Variants in BCLAF3 observed in about 807,000 individuals in gnomAD.
The protein encoded by BCLAF3 is BCLAF1 and THRAP3 family member 3.
A neutral mutation model predicts 51.2 loss-of-function variants in BCLAF3; 24 were observed. The observed-to-expected ratio is 0.47, with a 90% CI of 0.34 to 0.66. BCLAF3 has a LOEUF of 0.66. BCLAF3 is among the 30% of genes least tolerant of loss of function. The probability of loss-of-function intolerance (pLI) is 0.01; values close to 1 mark genes in which losing one functional copy is unlikely to be tolerated. For synonymous variants in BCLAF3, 152 were observed against 176.6 expected (o/e 0.86, Z 1.10); for missense variants, 465 against 525.1 (o/e 0.89, Z 1.12).
intron 8 of BCLAF3, among the ~76,000 whole-genome samples, chrX:19,937,784 A>G (rs2070828646): frequency 8.9e-6 from 1 of 112,198 alleles, no homozygotes; most frequent in South Asian, 3.7e-4. Context: ...CAGGTTCTCA[A>G]TCTGGGGTCT....
At chrX:19,936,706 G>A (rs1034866624) in intron 9 of BCLAF3, among the ~76,000 whole-genome samples, 7 of 111,610 alleles carry the variant, frequency 6.3e-5, no homozygotes, top group Non-Finnish European at 1.1e-4. Context: ...CATCTTTCTC[G>A]CCATTACTTG....
Position 19,965,043 on chromosome X carries a change from C to A in BCLAF3, c.1274+1G>T. 8.8e-7 allele frequency: 1 copy of A among 1,130,936 alleles called. No homozygotes were observed. Among genetic ancestry groups the A allele is most frequent in the Non-Finnish European group, 1.2e-6 (1 of 850,998 alleles). The allele number at this position is 1,130,936 out of a possible 1,213,427, so 93.2% of individuals were successfully genotyped here. A position where few individuals can be genotyped will look rare whatever the true frequency, so the allele number is the denominator to read the frequency against. ...TCATAAAGAAAAAACAAAGATAATA[C>A]CTGAATGTATCTACTGTTTTCTTCA... On this transcript the variant is annotated splice_donor_variant, in intron 4 of 11. Transcript: ENST00000379682. LOFTEE classifies it high-confidence loss of function.
At chrX:19,934,209 C>G in intron 10 of BCLAF3, among the ~76,000 whole-genome samples, 1 of 112,224 alleles carries the variant, frequency 8.9e-6, no homozygotes, top group Middle Eastern at 4.6e-3. Flanking sequence ...TTACATATAT[C>G]TTGAAAACAT....
intron 11 of BCLAF3, among the ~76,000 whole-genome samples, chrX:19,926,898 C>T (rs1267481803): frequency 1.8e-5 from 2 of 111,334 alleles, no homozygotes; most frequent in African/African-American, 3.3e-5. Flanking sequence ...GGGAGATATA[C>T]GAGACGGGAA....
chrX:19,957,730 C>G (rs965027493), intron 4 of BCLAF3, among the ~76,000 whole-genome samples: 1 of 111,275 alleles, frequency 9.0e-6, no homozygotes, highest in Admixed American at 9.6e-5. Flanking sequence ...AAAATTTATC[C>G]TAGAGTTCCT....
chrX:19,933,107 T>C lies in BCLAF3; in HGVS notation c.1950+2702A>G, dbSNP rs1422414984. ...TGTTGCTGGAGCTGCTGTTGCTTTT[T>C]AACAAGAAGACAGTTATGAAGTTGT... On this transcript the variant is annotated intron_variant, in intron 10 of 11. Transcript: ENST00000379682. 3.6e-5 allele frequency among the ~76,000 whole-genome samples: 4 copies of C among 112,132 alleles called. No individual in the cohort carries two copies. The East Asian group carries it at 8.3e-4, about 23-fold the overall frequency.
chrX:19,941,084 T>C (rs2071019679), intron 8 of BCLAF3, among the ~76,000 whole-genome samples: 1 of 110,723 alleles, frequency 9.0e-6, no homozygotes, highest in South Asian at 3.7e-4. Flanking sequence ...GAGAAGTGTC[T>C]ATTCATGTCC....
rs1160902730 is a variant in BCLAF3, at chrX:19,965,413, TTC to T, written c.903_904del (p.Lys302ValfsTer3). 1.7e-6 allele frequency: 2 copies of T among 1,211,900 alleles called. No individual in the cohort carries two copies. The highest frequency in any genetic ancestry group is 3.5e-5 in the African/African-American group (2 of 57,872). Reference sequence around the variant, plus strand: ...TTTTCTATCTTCTTCCTTACAGTACTTCTGAGTTCTCCCATCAGAAAAGTCCT... The same window carrying T: ...TTTTCTATCTTCTTCCTTACAGTACTTGAGTTCTCCCATCAGAAAAGTCCT... On this transcript the variant is annotated frameshift_variant, in exon 4 of 12. Transcript: ENST00000379682. LOFTEE classifies it high-confidence loss of function.
chrX:19,918,534 C>CTTTTTT (rs749600263), intron 11 of BCLAF3, among the ~76,000 whole-genome samples: 2 of 55,179 alleles, frequency 3.6e-5, no homozygotes, highest in Non-Finnish European at 6.1e-5. Flanking sequence ...CCAACCCGGC[C>CTTTTTT]TTTTTTTTTT....
At position 19,935,830 on chromosome X, in the gene BCLAF3, G is replaced by A. The variant is rs1373546564; in HGVS notation, c.1929C>T (p.Asn643=). 1 of 1,207,723 alleles carries A rather than the reference G, an allele frequency of 8.3e-7. No individual in the cohort carries two copies. The highest frequency in any genetic ancestry group is 1.1e-6 in the Non-Finnish European group (1 of 892,192). The change falls in exon 10 of 12, where the codon AAC becomes AAT. Residue 643 remains asparagine (N), a synonymous_variant. Transcript: ENST00000379682. ...KPFEVEGNHR[N]TRVRPFKSNF... ...ATACCTTAAAAGGTCTTACTCTTGT[G>A]TTTCGGTGGTTTCCCTCAACCTCAA...
In BCLAF3 at chrX:19,966,379, C is replaced by T. The variant is rs2072056878; in HGVS notation, c.312G>A (p.Gly104=). The T allele has an allele frequency of 3.3e-6, 4 of 1,211,493 alleles. No individual in the cohort carries two copies. Among genetic ancestry groups the T allele is most frequent in the East Asian group, 5.9e-5 (2 of 33,838 alleles). The change falls in exon 3 of 12, where the codon GGG becomes GGA. Residue 104 remains glycine (G), a synonymous_variant. Transcript: ENST00000379682. ...TATACTGAGCTCTCCTGTTACTGTC[C>T]CCTCTTCCAGGCGAATATCCTCTGT... The part of the protein sequence containing the change: ...KPHRGYSPGR[G]DSNRRAQYMP...
intron 1 of BCLAF3, among the ~76,000 whole-genome samples, chrX:19,986,051 G>GA (rs1478214106): frequency 9.0e-6 from 1 of 110,516 alleles, no homozygotes; most frequent in South Asian, 3.7e-4. Flanking sequence ...TGTAGTTTTT[G>GA]AAAAAAATAA....
chrX:19,971,432 A>G (rs5955870), intron 1 of BCLAF3, among the ~76,000 whole-genome samples: 33,041 of 111,389 alleles, frequency 0.3, 5,154 homozygotes, highest in African/African-American at 0.61. Flanking sequence ...CCACCAGACA[A>G]ATATGCCCAA....
rs2072037941 is a variant in BCLAF3 at position 19,965,985 on chromosome X, A to C, written c.611+95T>G. ...AATGCTTTTTGTCTTTTTAGACAAA[A>C]GCTTTTCAAGGTGGTTATCTTCAAC... On this transcript the variant is annotated intron_variant, in intron 3 of 11. Coordinates refer to ENST00000379682, the MANE Select transcript of BCLAF3 (RefSeq NM_001367774.2). The C allele has an allele frequency of 3.6e-5, 30 of 845,046 alleles. 1 individual carries two copies. The South Asian group carries it at 8.1e-4, about 23-fold the overall frequency. 69.6% of individuals were successfully genotyped at this position (845,046 alleles called of 1,213,427 possible).
chrX:19,967,601 C>T (rs184884150), intron 2 of BCLAF3, among the ~76,000 whole-genome samples: 130 of 111,509 alleles, frequency 1.2e-3, no homozygotes, highest in African/African-American at 3.9e-3. Context: ...CTATCTGGGA[C>T]ACAATAAAGT....
intron 2 of BCLAF3, among the ~76,000 whole-genome samples, chrX:19,967,759 C>G (rs1484714496): frequency 1.8e-5 from 2 of 111,905 alleles, no homozygotes; most frequent in African/African-American, 6.5e-5. Flanking sequence ...ATGGAGTTGG[C>G]GCAACCATGA....
chrX:19,944,743 A>AT (rs2071193623), intron 8 of BCLAF3, among the ~76,000 whole-genome samples: 1 of 79,733 alleles, frequency 1.3e-5, no homozygotes, highest in East Asian at 3.3e-4. Context: ...GAATCTGACA[A>AT]TTATGTGTCT....
rs763632599 is a variant in BCLAF3 at position 19,957,492 on chromosome X, T to TAA, written c.1275-1928_1275-1927dup. Among the ~76,000 whole-genome samples the TAA allele has an allele frequency of 1.8e-4, 20 of 112,123 alleles. No homozygotes were observed. In the East Asian group the frequency reaches 2.5e-3, roughly 14 times the overall value. ...CCATCCACAAGAGGAAATCAGTTGA[T>TAA]AAGGTTTTTTTCTGGCAGCCTCAGT... On this transcript the variant is annotated intron_variant, in intron 4 of 11. Coordinates refer to ENST00000379682, the MANE Select transcript of BCLAF3 (RefSeq NM_001367774.2).
chrX:19,964,214 G>C (rs1448193027), intron 4 of BCLAF3, among the ~76,000 whole-genome samples: 2 of 110,867 alleles, frequency 1.8e-5, no homozygotes, highest in African/African-American at 6.6e-5. Context: ...TACTGGTAGT[G>C]TATTAAGGTC....
Sources: gnomAD v4.1 joint callset for allele counts (sites outside exome capture counted in the v4.1 genomes callset) on GRCh38, gnomAD v4.1.1 for gene constraint, MANE v1.5 for transcripts, NCBI Gene and HGNC (gene_info 2026-07-23, HGNC 2026-07-21) for gene names.